The following TDRD10 variants were observed in gnomAD, a reference collection of about 807,000 sequenced individuals.
The protein encoded by TDRD10 is tudor domain-containing protein 10.
Under a neutral mutation model 48.0 loss-of-function variants are expected in TDRD10, and 40 were observed. That is an observed-to-expected ratio of 0.83 (90% CI 0.65 to 1.09). The LOEUF (loss-of-function observed/expected upper bound fraction) is 1.09. Ranked by LOEUF, TDRD10 falls within the 50% of genes least tolerant of loss-of-function variation. TDRD10 has a pLI of 0.00. For synonymous variants in TDRD10, 162 were observed against 170.4 expected (o/e 0.95, Z 0.38); for missense variants, 378 against 434.7 (o/e 0.87, Z 1.16).
chr1:154,540,705 G>A (rs1277924664), intron 6 of TDRD10, among the ~76,000 whole-genome samples: 1 of 152,110 alleles, frequency 6.6e-6, no homozygotes, highest in East Asian at 1.9e-4. Context: ...GAGGGCTGGG[G>A]CTGCAGCTTT....
At chr1:154,526,864 C>T (rs1694345482) in intron 6 of TDRD10, among the ~76,000 whole-genome samples, 1 of 151,660 alleles carries the variant, frequency 6.6e-6, no homozygotes, top group South Asian at 2.1e-4. Context: ...GCTGGGATTA[C>T]AGGCGTGAGC....
intron 3 of TDRD10, 106 bp downstream of exon 3, chr1:154,507,426 G>A: frequency 7.5e-7 from 1 of 1,338,614 alleles, no homozygotes; most frequent in African/African-American, 1.4e-5. Flanking sequence ...GTGAAACTTG[G>A]GATCTGCCTA....
At chr1:154,544,295 C>A in intron 9 of TDRD10, 77 bp from the exon 10 acceptor site, 1 of 1,545,382 alleles carries the variant, frequency 6.5e-7, no homozygotes, top group Non-Finnish European at 8.8e-7. Flanking sequence ...GCGGTGCTAA[C>A]ATAACAGGTG....
intron 6 of TDRD10, among the ~76,000 whole-genome samples, chr1:154,532,046 G>A (rs1406936790): frequency 6.6e-6 from 1 of 152,232 alleles, no homozygotes; most frequent in African/African-American, 2.4e-5. Flanking sequence ...TCTCGCACCG[G>A]GGCCACAGGT....
At chr1:154,507,430 C>A in intron 3 of TDRD10, 110 bp downstream of exon 3, 1 of 1,294,822 alleles carries the variant, frequency 7.7e-7, no homozygotes, top group Non-Finnish European at 1.1e-6. Flanking sequence ...AACTTGGGAT[C>A]TGCCTAGATT....
In TDRD10 at chr1:154,507,338, A is replaced by G. The variant is rs1404030212; in HGVS notation, c.82+18A>G. 6.2e-7 allele frequency: 1 copy of G among 1,613,404 alleles called. No individual in the cohort carries two copies. The highest frequency in any genetic ancestry group is 1.7e-5 in the Admixed American group (1 of 59,966). On this transcript the variant is annotated intron_variant, in intron 3 of 12. Coordinates refer to ENST00000368482, the MANE Select transcript of TDRD10 (RefSeq NM_182499.4). ...ATCTCCAGGTAAGTTAGGCTGGGGG[A>G]TTCGCTGGTGCTGGGACTCTCATCC...
In TDRD10 at chr1:154,508,414, T is replaced by C. The variant is rs1232747782; in HGVS notation, c.83-9T>C. On this transcript the variant is annotated splice_polypyrimidine_tract_variant and intron_variant, in intron 3 of 12. Transcript: ENST00000368482. ...TATGCCTGCCATTTAATGCTGTTTT[T>C]CTTCTTAGGATTCAAGAAAAGAGAG... 1.3e-6 allele frequency: 2 copies of C among 1,597,470 alleles called. No individual in the cohort carries two copies. The highest frequency in any genetic ancestry group is 1.7e-6 in the Non-Finnish European group (2 of 1,164,974).
At chr1:154,537,954 A>G (rs543108484) in intron 6 of TDRD10, among the ~76,000 whole-genome samples, 1 of 152,302 alleles carries the variant, frequency 6.6e-6, no homozygotes, top group South Asian at 2.1e-4. Flanking sequence ...TCTTGCAGCT[A>G]TTGAGGTGCT....
intron 4 of TDRD10, chr1:154,509,838 C>A: frequency 1.0e-6 from 1 of 985,352 alleles, no homozygotes; most frequent in South Asian, 4.7e-5. Context: ...GGCAGAGGAG[C>A]CCTACATGTG....
In TDRD10 at chr1:154,502,370, A is replaced by C; in HGVS notation, c.-687A>C. 2 of 160,516 alleles carry C rather than the reference A, an allele frequency of 1.2e-5. No individual in the cohort carries two copies. Among genetic ancestry groups the C allele is most frequent in the East Asian group, 1.8e-4 (1 of 5,470 alleles). 9.9% of individuals were successfully genotyped at this position (160,516 alleles called of 1,614,324 possible). On this transcript the variant is annotated 5_prime_UTR_variant, in exon 1 of 13. Transcript: ENST00000368482. ...CCCACGCTCCCAGGGACCAGAGAGG[A>C]CCGAGCGGAGGCGGCGGGAGTATCC...
intron 4 of TDRD10, 149 bp downstream of exon 4, chr1:154,508,630 A>G (rs910072759): frequency 2.1e-5 from 14 of 652,016 alleles, no homozygotes; most frequent in African/African-American, 7.3e-5. Flanking sequence ...AGGGTAACCA[A>G]TGCATCACAG....
intron 1 of TDRD10, among the ~76,000 whole-genome samples, chr1:154,505,712 CTT>C (rs1046123156): frequency 6.6e-6 from 1 of 152,136 alleles, no homozygotes; most frequent in Non-Finnish European, 1.5e-5. Context: ...ACCTCAGTGT[CTT>C]TTATAATTTT....
At chr1:154,538,593 C>CCTG (rs1695050944) in intron 6 of TDRD10, among the ~76,000 whole-genome samples, 2 of 146,650 alleles carry the variant, frequency 1.4e-5, no homozygotes, top group Non-Finnish European at 3.0e-5. Flanking sequence ...GTGGCTCATG[C>CCTG]CTGTAATCCC....
At chr1:154,511,804 C>T (rs141956286) in intron 4 of TDRD10, among the ~76,000 whole-genome samples, 8 of 152,074 alleles carry the variant, frequency 5.3e-5, no homozygotes, top group Admixed American at 3.3e-4. Flanking sequence ...GCCGAGATTG[C>T]GCCATTGGAC....
At chr1:154,533,363 T>G (rs1449880390) in intron 6 of TDRD10, among the ~76,000 whole-genome samples, 1 of 151,400 alleles carries the variant, frequency 6.6e-6, no homozygotes, top group Non-Finnish European at 1.5e-5. Flanking sequence ...GTTTTTTTTT[T>G]TTTTTTTTCT....
intron 6 of TDRD10, among the ~76,000 whole-genome samples, chr1:154,529,452 G>A (rs932639639): frequency 6.6e-6 from 1 of 152,030 alleles, no homozygotes; most frequent in African/African-American, 2.4e-5. Context: ...GTATTGGTTG[G>A]TGCAAAAGTG....
Position 154,533,251 on chromosome 1 carries a change from G to C in TDRD10, c.370-8773G>C, listed in dbSNP as rs532463761. ...TGCGTGGAGGTGGGATCTCCTTGTT[G>C]GTGGCATTTAGCTGGAGTAAAGGAG... On this transcript the variant is annotated intron_variant, in intron 6 of 12. Transcript: ENST00000368482. Among the ~76,000 whole-genome samples, 228 of 152,136 alleles carry C rather than the reference G, an allele frequency of 1.5e-3. 1 individual carries two copies. The highest frequency in any genetic ancestry group is 4.8e-3 in the African/African-American group (200 of 41,500).
chr1:154,529,544 TCA>T (rs1694492071), intron 6 of TDRD10, among the ~76,000 whole-genome samples: 1 of 100,512 alleles, frequency 9.9e-6, no homozygotes, highest in Non-Finnish European at 2.0e-5. Context: ...TTTTCTGTGT[TCA>T]TTTTTTTTTT....
At chr1:154,531,628 T>C (rs948306777) in intron 6 of TDRD10, among the ~76,000 whole-genome samples, 12 of 152,138 alleles carry the variant, frequency 7.9e-5, no homozygotes, top group East Asian at 1.9e-4. Context: ...ATAAAGGCAG[T>C]GTGGACCCGA....
Sources: allele counts gnomAD v4.1 joint callset (sites outside exome capture counted in the v4.1 genomes callset), GRCh38; gene constraint gnomAD v4.1.1; transcripts MANE v1.5; gene names NCBI Gene and HGNC (gene_info 2026-07-23, HGNC 2026-07-21).